The following ZNF251 variants were observed in gnomAD, a reference collection of about 807,000 sequenced individuals.
The protein encoded by ZNF251 is zinc finger protein 251.
ZNF251 carries 14 observed loss-of-function variants against 13.5 expected under a neutral mutation model. The ratio of observed to expected loss-of-function variants is 1.04; its 90% CI spans 0.69 to 1.63. The LOEUF (loss-of-function observed/expected upper bound fraction) is 1.63. ZNF251 is among the 40% of genes most tolerant of loss of function. The pLI, the probability that ZNF251 is intolerant of heterozygous loss-of-function variation, is 0.00. For missense variants in ZNF251, 764 were observed against 834.9 expected (o/e 0.92, Z 1.05); for synonymous variants, 287 against 295.2 (o/e 0.97, Z 0.28).
intron 1 of ZNF251, 82 bp downstream of exon 1, chr8:144,755,323 C>T (rs1421204412): frequency 4.7e-6 from 6 of 1,282,152 alleles, no homozygotes; most frequent in African/African-American, 1.5e-5. Context: ...CCTGGACTGG[C>T]CGCCGCCTCC....
chr8:144,743,150 G>T (rs528420059), intron 4 of ZNF251, among the ~76,000 whole-genome samples: 1 of 152,108 alleles, frequency 6.6e-6, no homozygotes, highest in Admixed American at 6.6e-5. Flanking sequence ...TGCAAACTCC[G>T]CCTCCCGGGT....
At chr8:144,754,408 A>G in intron 2 of ZNF251, 87 bp from the exon 3 acceptor site, 1 of 1,473,290 alleles carries the variant, frequency 6.8e-7, no homozygotes, top group Non-Finnish European at 9.0e-7. Flanking sequence ...GGGCCCCACT[A>G]CCCAGGGCCC....
At chr8:144,730,770 C>T (rs1339282561) in intron 4 of ZNF251, among the ~76,000 whole-genome samples, 1 of 152,236 alleles carries the variant, frequency 6.6e-6, no homozygotes, top group African/African-American at 2.4e-5. Flanking sequence ...CATCACTAAC[C>T]TCCTTCTTGG....
In ZNF251 at chr8:144,753,796, C is replaced by A; in HGVS notation, c.164G>T (p.Gly55Val). ...CAACTCCGGCTTAGGGACAGGGAAT[C>A]CTGTTGAGGATGAGGACACTGGTGA... ...LENYGNVASL[G>V]FPVPKPELIS... The change falls in exon 4 of 5, where the codon GGA becomes GTA. Residue 55 changes from glycine to valine, a missense_variant and splice_region_variant. Gly to Val is a moderately radical substitution (Grantham distance 109). Coordinates refer to ENST00000292562, the MANE Select transcript of ZNF251 (RefSeq NM_138367.2). 1 of 1,568,216 alleles carries A rather than the reference C, an allele frequency of 6.4e-7. No homozygotes were observed. Among genetic ancestry groups the A allele is most frequent in the Non-Finnish European group, 8.7e-7 (1 of 1,155,850 alleles).
intron 4 of ZNF251, among the ~76,000 whole-genome samples, chr8:144,741,420 C>CACA (rs1563765215): frequency 6.6e-6 from 1 of 152,194 alleles, no homozygotes; most frequent in East Asian, 1.9e-4. Flanking sequence ...GATGCAGATA[C>CACA]ACATACACCC....
intron 4 of ZNF251, among the ~76,000 whole-genome samples, chr8:144,730,612 G>A (rs1399948846): frequency 1.3e-5 from 2 of 152,150 alleles, no homozygotes; most frequent in African/African-American, 2.4e-5. Context: ...CCGGGGCAGG[G>A]CCCTGCCAAG....
At position 144,755,386 on chromosome 8, in the gene ZNF251, T is replaced by C. The variant is rs1325097596; in HGVS notation, c.-76+19A>G. The stretch of plus-strand genomic sequence containing the variant: ...TGCCTGCCCGCTTGGCGCTCCTTCC[T>C]GGTCCGACACTGCCCCACCTGTTTG... On this transcript the variant is annotated intron_variant, in intron 1 of 4. Transcript: ENST00000292562. 3 of 1,288,010 alleles carry C rather than the reference T, an allele frequency of 2.3e-6. No homozygotes were observed. Among genetic ancestry groups the C allele is most frequent in the East Asian group, 1.1e-4 (2 of 17,924 alleles). The allele number at this position is 1,288,010 out of a possible 1,614,324, so 79.8% of individuals were successfully genotyped here. A position where few individuals can be genotyped will look rare whatever the true frequency, so the allele number is the denominator to read the frequency against.
chr8:144,722,012 C>CA lies in ZNF251; in HGVS notation c.1647dup (p.Gly550TrpfsTer14). ...GTCCAGCGCAGAATGAGATTTGCAC[C>CA]ATGGTTAAAGGCTCTGCCGTGCTTC... On this transcript the variant is annotated frameshift_variant, in exon 5 of 5. Transcript: ENST00000292562. LOFTEE classifies it low-confidence loss of function (END_TRUNC). The surrounding 1 kb of genome is among the most constrained non-coding windows in gnomAD (Gnocchi z 4.8). 2 of 1,597,646 alleles carry CA rather than the reference C, an allele frequency of 1.3e-6. No individual in the cohort carries two copies. The highest frequency in any genetic ancestry group is 1.7e-6 in the Non-Finnish European group (2 of 1,171,748).
Position 144,734,768 on chromosome 8 carries a change from A to G in ZNF251, c.278-11386T>C, listed in dbSNP as rs908854504. On this transcript the variant is annotated intron_variant, in intron 4 of 4. Coordinates refer to ENST00000292562, the MANE Select transcript of ZNF251 (RefSeq NM_138367.2). This position sits in a 1 kb window ranked among gnomAD's most constrained non-coding sequence, Gnocchi z 4.4. ...AAAATTCCTCTGTGGTAGAAAATTC[A>G]AATTTGTCTTAAGGGATTTTGCAGG... 6.6e-6 allele frequency among the ~76,000 whole-genome samples: 1 copy of G among 152,176 alleles called. No individual in the cohort carries two copies. Among genetic ancestry groups the G allele is most frequent in the Non-Finnish European group, 1.5e-5 (1 of 68,026 alleles).
rs530221118 is a variant in ZNF251 at position 144,737,492 on chromosome 8, G to A, written c.278-14110C>T. Among the ~76,000 whole-genome samples, 347 of 151,400 alleles carry A rather than the reference G, an allele frequency of 2.3e-3. 3 individuals are homozygous for A. The highest frequency in any genetic ancestry group is 7.9e-3 in the African/African-American group (327 of 41,152). On this transcript the variant is annotated intron_variant, in intron 4 of 4. Transcript: ENST00000292562. ...CCACTGCACTCCAGCCTGGGTGACA[G>A]AGCGAGATTCCGTCGCAAAAACAAA...
intron 4 of ZNF251, among the ~76,000 whole-genome samples, chr8:144,746,620 T>C (rs1426044864): frequency 1.3e-5 from 2 of 152,196 alleles, no homozygotes; most frequent in Admixed American, 1.3e-4. Flanking sequence ...CTGAGCCCAG[T>C]GGATTCTATT....
intron 4 of ZNF251, among the ~76,000 whole-genome samples, chr8:144,746,924 C>T (rs1824456297): frequency 6.6e-6 from 1 of 152,086 alleles, no homozygotes. Flanking sequence ...CTTCTGGTTT[C>T]GTTGATTTTC....
chr8:144,721,789 C>A lies in ZNF251; in HGVS notation c.1871G>T (p.Cys624Phe). The A allele has an allele frequency of 6.7e-7, 1 of 1,484,256 alleles. No individual in the cohort carries two copies. The highest frequency in any genetic ancestry group is 1.6e-5 in the South Asian group (1 of 64,492). The allele number at this position is 1,484,256 out of a possible 1,614,324, so 91.9% of individuals were successfully genotyped here. The change falls in exon 5 of 5, where the codon TGC (cysteine) becomes TTC (phenylalanine). Residue 624 changes from cysteine (C) to phenylalanine (F), a missense_variant. Physicochemically the swap from Cys to Phe is radical, Grantham distance 205. Transcript: ENST00000292562. ...VTHTGQKPCH[C>F]SVYGKAFSQS... The stretch of plus-strand genomic sequence containing the variant: ...GCTGAAGGCTTTCCCATACACACTG[C>A]AATGACATGGTTTCTGACCAGTGTG...
At chr8:144,753,910 G>T (rs902804832) in intron 3 of ZNF251, 114 bp from the exon 4 acceptor site, 26 of 839,974 alleles carry the variant, frequency 3.1e-5, no homozygotes, top group Non-Finnish European at 4.3e-5. Flanking sequence ...TGTTGGTCAG[G>T]GGGCCCGTGG....
rs972938019 is a variant in ZNF251, at chr8:144,753,826, G to A, written c.164-30C>T. 2.6e-6 allele frequency: 4 copies of A among 1,520,766 alleles called. No homozygotes were observed. In the Admixed American group the frequency reaches 5.9e-5, roughly 23 times the overall value. The allele number at this position is 1,520,766 out of a possible 1,614,324, so 94.2% of individuals were successfully genotyped here. A position where few individuals can be genotyped will look rare whatever the true frequency, so the allele number is the denominator to read the frequency against. ...TGAGGATGAGGACACTGGTGAGCTGGCATGGCCCACTGGGCCTTCCAGGCC... is the reference window on the plus strand; with the variant it reads ...TGAGGATGAGGACACTGGTGAGCTGACATGGCCCACTGGGCCTTCCAGGCC... On this transcript the variant is annotated intron_variant, in intron 3 of 4. Coordinates refer to ENST00000292562, the MANE Select transcript of ZNF251 (RefSeq NM_138367.2).
chr8:144,744,008 TC>T (rs1249485593), intron 4 of ZNF251, among the ~76,000 whole-genome samples: 9 of 131,012 alleles, frequency 6.9e-5, no homozygotes, highest in Non-Finnish European at 1.1e-4. Context: ...TCTCTCGTTG[TC>T]TTTTTTTTTT....
intron 4 of ZNF251, among the ~76,000 whole-genome samples, chr8:144,724,337 T>C (rs929313156): frequency 1.4e-5 from 2 of 144,794 alleles, no homozygotes; most frequent in Admixed American, 1.4e-4. Flanking sequence ...TGTAAATAAA[T>C]GACCTTTTTT....
intron 4 of ZNF251, among the ~76,000 whole-genome samples, chr8:144,736,826 T>TTTTTTGG (rs1823917974): frequency 6.7e-6 from 1 of 148,408 alleles, no homozygotes; most frequent in East Asian, 2.0e-4. Flanking sequence ...GATGGAGGTT[T>TTTTTTGG]TTTTTGGTTC....
At chr8:144,729,221 AT>A (rs1200208428) in intron 4 of ZNF251, among the ~76,000 whole-genome samples, 5 of 152,266 alleles carry the variant, frequency 3.3e-5, no homozygotes, top group South Asian at 2.1e-4. Context: ...GCTCCTGGTT[AT>A]AAAAGTCAAA....
Sources: allele counts gnomAD v4.1 joint callset (sites outside exome capture counted in the v4.1 genomes callset), GRCh38; gene constraint gnomAD v4.1.1; non-coding constraint Gnocchi (gnomAD v3.1); transcripts MANE v1.5; gene names NCBI Gene and HGNC (gene_info 2026-07-23, HGNC 2026-07-21).